Variants in KCNIP4 observed in about 807,000 individuals in gnomAD.
KCNIP4 encodes the protein Kv channel-interacting protein 4.
KCNIP4 carries 12 observed loss-of-function variants against 34.0 expected under a neutral mutation model. The ratio of observed to expected loss-of-function variants is 0.35; its 90% CI spans 0.23 to 0.57. The LOEUF is 0.57. Ranked by LOEUF, KCNIP4 falls within the 20% of genes least tolerant of loss-of-function variation. KCNIP4 has a pLI of 0.83. For missense variants in KCNIP4, 238 were observed against 311.7 expected, an observed-to-expected ratio of 0.76 and a Z score of 1.78; for synonymous variants, 124 against 102.2, an observed-to-expected ratio of 1.21 and a Z score of -1.29.
intron 1 of KCNIP4, among the ~76,000 whole-genome samples, chr4:21,677,414 A>C (rs923716858): frequency 6.6e-6 from 1 of 152,206 alleles, no homozygotes; most frequent in African/African-American, 2.4e-5. Flanking sequence ...AAAGTTGCTC[A>C]ATGTGTTCAG....
chr4:21,571,344 G>A (rs900763865), intron 1 of KCNIP4, among the ~76,000 whole-genome samples: 3 of 152,156 alleles, frequency 2.0e-5, no homozygotes, highest in Admixed American at 1.3e-4. Context: ...TAGCATATGT[G>A]CAAAATAATG....
chr4:21,707,928 CACAT>C (rs1409242832), intron 1 of KCNIP4, among the ~76,000 whole-genome samples: 2 of 66,836 alleles, frequency 3.0e-5, no homozygotes, highest in African/African-American at 1.4e-4. Context: ...CTGAAACACA[CACAT>C]ACACACACAC....
intron 1 of KCNIP4, among the ~76,000 whole-genome samples, chr4:21,510,716 C>G (rs1240003625): frequency 6.6e-6 from 1 of 151,876 alleles, no homozygotes; most frequent in East Asian, 1.9e-4. Context: ...TTTAAGTAAA[C>G]TAATAGATTT....
intron 1 of KCNIP4, among the ~76,000 whole-genome samples, chr4:20,963,935 C>T (rs1217591333): frequency 6.6e-6 from 1 of 152,126 alleles, no homozygotes; most frequent in African/African-American, 2.4e-5. Context: ...GCCAACCTCT[C>T]CACATGGTGT....
At chr4:21,155,384 C>T (rs1753068501) in intron 1 of KCNIP4, among the ~76,000 whole-genome samples, 1 of 152,116 alleles carries the variant, frequency 6.6e-6, no homozygotes, top group South Asian at 2.1e-4. Context: ...AATACAAAAG[C>T]ATGTAAATAG....
At chr4:21,501,245 C>CG (rs1560464537) in intron 1 of KCNIP4, among the ~76,000 whole-genome samples, 10 of 89,430 alleles carry the variant, frequency 1.1e-4, no homozygotes, top group Non-Finnish European at 2.3e-4. Flanking sequence ...CTCTCTCTCT[C>CG]TCTCACACAC....
intron 1 of KCNIP4, among the ~76,000 whole-genome samples, chr4:21,107,368 CTT>C (rs1748659865): frequency 6.8e-6 from 1 of 147,000 alleles, no homozygotes; most frequent in South Asian, 2.1e-4. Flanking sequence ...TTCTTTGTCT[CTT>C]TTGATCTTTG....
chr4:21,047,325 TA>T (rs1225661399), intron 1 of KCNIP4, among the ~76,000 whole-genome samples: 1 of 152,174 alleles, frequency 6.6e-6, no homozygotes, highest in Non-Finnish European at 1.5e-5. Context: ...GCTTACCATA[TA>T]ATGATTGGTA....
intron 1 of KCNIP4, among the ~76,000 whole-genome samples, chr4:21,074,891 A>G (rs1745331518): frequency 6.6e-6 from 1 of 152,062 alleles, no homozygotes; most frequent in Admixed American, 6.5e-5. Flanking sequence ...TCATTTCGTT[A>G]TGTACCCAGT....
intron 1 of KCNIP4, among the ~76,000 whole-genome samples, chr4:21,390,096 T>C (rs2109510751): frequency 1.3e-5 from 2 of 152,126 alleles, no homozygotes; most frequent in Admixed American, 1.3e-4. Context: ...TGCATAAATA[T>C]CTTCTTTTGA....
intron 3 of KCNIP4, among the ~76,000 whole-genome samples, chr4:20,760,408 C>G (rs984496817): frequency 6.6e-6 from 1 of 152,162 alleles, no homozygotes; most frequent in Non-Finnish European, 1.5e-5. Flanking sequence ...TCACTTAACC[C>G]TTAAAATCAT....
chr4:21,270,472 C>A (rs1458782967), intron 1 of KCNIP4, among the ~76,000 whole-genome samples: 1 of 152,148 alleles, frequency 6.6e-6, no homozygotes, highest in Admixed American at 6.5e-5. Flanking sequence ...GATTGTAAAA[C>A]AGTTCAAAAT....
intron 1 of KCNIP4, among the ~76,000 whole-genome samples, chr4:21,108,461 G>C (rs569225784): frequency 6.6e-6 from 1 of 151,718 alleles, no homozygotes; most frequent in South Asian, 2.1e-4. Context: ...GCTCCTTTAA[G>C]CACTTCTGTG....
chr4:21,096,395 T>C (rs1747461898), intron 1 of KCNIP4, among the ~76,000 whole-genome samples: 3 of 152,314 alleles, frequency 2.0e-5, no homozygotes, highest in East Asian at 1.9e-4. Flanking sequence ...CCATATTGTG[T>C]TAATAGTCAA....
rs1272218792 is a variant in KCNIP4 at position 21,813,457 on chromosome 4, C to T, written c.61+135114G>A. 2.0e-5 allele frequency among the ~76,000 whole-genome samples: 3 copies of T among 152,302 alleles called. No individual in the cohort carries two copies. In the East Asian group the frequency reaches 5.8e-4, roughly 29 times the overall value. On this transcript the variant is annotated intron_variant, in intron 1 of 8. Coordinates refer to ENST00000382152, the MANE Select transcript of KCNIP4 (RefSeq NM_025221.6). ...AGGTAAGATAGAATCATCCATCTCT[C>T]AACAAGAAGTTGTTACCATCCCAGA...
At chr4:21,806,653 T>C (rs1022886102) in intron 1 of KCNIP4, among the ~76,000 whole-genome samples, 2 of 152,220 alleles carry the variant, frequency 1.3e-5, no homozygotes, top group Non-Finnish European at 2.9e-5. Context: ...TCAAAGTTCA[T>C]GACCTGTTGG....
chr4:21,764,061 A>G (rs767711282), intron 1 of KCNIP4, among the ~76,000 whole-genome samples: 1 of 152,186 alleles, frequency 6.6e-6, no homozygotes, highest in Non-Finnish European at 1.5e-5. Flanking sequence ...AAGCCAGAAC[A>G]ATAGAAGGAA....
intron 1 of KCNIP4, among the ~76,000 whole-genome samples, chr4:21,600,753 G>A (rs1743044784): frequency 1.3e-5 from 2 of 152,018 alleles, no homozygotes. Flanking sequence ...CCTCTGAATT[G>A]ACACTTGGAT....
At chr4:21,303,783 A>G in intron 1 of KCNIP4, 1 of 1,573,748 alleles carries the variant, frequency 6.4e-7, no homozygotes, top group Non-Finnish European at 8.7e-7. Flanking sequence ...AATTTTTAGA[A>G]GTCACTAAAA....
Sources: gnomAD v4.1 joint callset for allele counts (sites outside exome capture counted in the v4.1 genomes callset) on GRCh38, gnomAD v4.1.1 for gene constraint, MANE v1.5 for transcripts, NCBI Gene and HGNC (gene_info 2026-07-23, HGNC 2026-07-21) for gene names.